RBFOX1: variants seen among roughly 807,000 people sequenced by gnomAD.
RBFOX1 encodes the protein RNA binding fox-1 homolog 1.
Under a neutral mutation model 57.7 loss-of-function variants are expected in RBFOX1, and 8 were observed. The observed-to-expected ratio is 0.14, with a 90% CI of 0.08 to 0.25. The LOEUF is 0.25. Ranked by LOEUF, RBFOX1 falls within the 10% of genes least tolerant of loss-of-function variation. RBFOX1 has a pLI of 1.00. For missense variants in RBFOX1, 611 were observed against 548.5 expected (o/e 1.11, Z -1.14); for synonymous variants, 326 against 222.4 (o/e 1.47, Z -4.15).
At chr16:5,240,679 A>G (rs1340394243) in intron 1 of RBFOX1, among the ~76,000 whole-genome samples, 1 of 152,076 alleles carries the variant, frequency 6.6e-6, no homozygotes, top group African/African-American at 2.4e-5. Flanking sequence ...TCCTCTTTCC[A>G]TCCCTACAGA....
chr16:6,763,518 A>C (rs1055372918), intron 3 of RBFOX1, among the ~76,000 whole-genome samples: 3 of 152,186 alleles, frequency 2.0e-5, no homozygotes, highest in African/African-American at 4.8e-5. Context: ...AACCTGGTTG[A>C]CTTGGGTTAT....
At chr16:7,664,849 C>G (rs2068763742) in intron 12 of RBFOX1, 80 bp from the exon 13 acceptor site, 1 of 1,612,108 alleles carries the variant, frequency 6.2e-7, no homozygotes, top group African/African-American at 1.3e-5. Flanking sequence ...CCAGACTAAC[C>G]TCGCCAGTGC....
At chr16:5,376,747 G>A (rs59686012) in intron 1 of RBFOX1, among the ~76,000 whole-genome samples, 25,836 of 148,242 alleles carry the variant, frequency 0.17, 2,808 homozygotes, top group African/African-American at 0.27. Context: ...CAGCACCCAT[G>A]ACTGTCTGCT....
chr16:5,874,995 A>C (rs1309372357), intron 4 of RBFOX1, among the ~76,000 whole-genome samples: 8 of 152,098 alleles, frequency 5.3e-5, no homozygotes, highest in Admixed American at 5.2e-4. Context: ...GCAGAACTAG[A>C]GGTTAGAGGG....
intron 5 of RBFOX1, among the ~76,000 whole-genome samples, chr16:7,566,680 A>G (rs1453531256): frequency 6.6e-6 from 1 of 152,118 alleles, no homozygotes; most frequent in African/African-American, 2.4e-5. Context: ...ATCCCAGACC[A>G]TTTAGCCAGT....
chr16:5,886,820 G>A (rs973739994), intron 4 of RBFOX1, among the ~76,000 whole-genome samples: 2 of 152,224 alleles, frequency 1.3e-5, no homozygotes, highest in African/African-American at 2.4e-5. Context: ...CCTGGGAGGT[G>A]GAGGTTGCAG....
intron 3 of RBFOX1, among the ~76,000 whole-genome samples, chr16:6,782,814 G>C (rs2081256016): frequency 6.6e-6 from 1 of 152,142 alleles, no homozygotes; most frequent in Non-Finnish European, 1.5e-5. Flanking sequence ...GTCCAATGCT[G>C]AAAGTGGTAT....
intron 1 of RBFOX1, among the ~76,000 whole-genome samples, chr16:6,074,466 C>T (rs965864747): frequency 6.6e-6 from 1 of 152,182 alleles, no homozygotes; most frequent in Admixed American, 6.5e-5. Context: ...TTGGTTCTAC[C>T]ACATGCATTA....
chr16:5,270,526 A>G (rs1468923378), intron 1 of RBFOX1: 2 of 628,136 alleles, frequency 3.2e-6, no homozygotes, highest in East Asian at 3.0e-5. Flanking sequence ...AAAAATGTTC[A>G]ACAATGATTG....
At chr16:5,542,445 G>A (rs1371264797) in intron 2 of RBFOX1, among the ~76,000 whole-genome samples, 2 of 150,210 alleles carry the variant, frequency 1.3e-5, no homozygotes, top group Admixed American at 1.3e-4. Context: ...TTTTAGTAGA[G>A]ATGGGGTTTC....
chr16:6,880,239 C>G (rs1470864253), intron 3 of RBFOX1, among the ~76,000 whole-genome samples: 2 of 152,120 alleles, frequency 1.3e-5, no homozygotes, highest in Admixed American at 6.5e-5. Context: ...AGCAACATGA[C>G]AAGAAGGGAA....
intron 4 of RBFOX1, among the ~76,000 whole-genome samples, chr16:7,245,433 T>C (rs964218067): frequency 7.1e-6 from 1 of 141,058 alleles, no homozygotes; most frequent in African/African-American, 2.9e-5. Context: ...CACCTAGTAT[T>C]AGTTGAATGT....
intron 3 of RBFOX1, among the ~76,000 whole-genome samples, chr16:6,954,478 C>T (rs1051638646): frequency 1.3e-5 from 2 of 152,030 alleles, no homozygotes; most frequent in Non-Finnish European, 2.9e-5. Context: ...CAGTTTAAAA[C>T]GTAATTTTGT....
intron 2 of RBFOX1, among the ~76,000 whole-genome samples, chr16:6,328,620 A>G (rs2152803191): frequency 6.6e-6 from 1 of 152,310 alleles, no homozygotes; most frequent in Admixed American, 6.5e-5. Context: ...TTGGCCCTCT[A>G]TTCACTATGT....
At chr16:6,283,782 A>G (rs936702721) in intron 1 of RBFOX1, among the ~76,000 whole-genome samples, 10 of 152,154 alleles carry the variant, frequency 6.6e-5, no homozygotes, top group African/African-American at 1.2e-4. Context: ...TAGAAATTGT[A>G]TATCTGGGAA....
At chr16:7,568,380 G>C (rs935568343) in intron 5 of RBFOX1, among the ~76,000 whole-genome samples, 2 of 152,126 alleles carry the variant, frequency 1.3e-5, no homozygotes, top group African/African-American at 2.4e-5. Flanking sequence ...CATTGCCATG[G>C]CATTTGGAAA....
chr16:6,517,000 A>G (rs1159371607), intron 2 of RBFOX1, among the ~76,000 whole-genome samples: 1 of 152,200 alleles, frequency 6.6e-6, no homozygotes, highest in Non-Finnish European at 1.5e-5. Flanking sequence ...AGCTGTGAGC[A>G]TAAATTCCTA....
chr16:7,652,756 A>T (rs2065356633), intron 11 of RBFOX1, among the ~76,000 whole-genome samples: 1 of 152,174 alleles, frequency 6.6e-6, no homozygotes, highest in Admixed American at 6.5e-5. Flanking sequence ...GCGTATTTGT[A>T]ATCATGCTGG....
chr16:7,202,706 G>A (rs2088897859), intron 4 of RBFOX1, among the ~76,000 whole-genome samples: 1 of 152,158 alleles, frequency 6.6e-6, no homozygotes, highest in African/African-American at 2.4e-5. Flanking sequence ...TGTGAACTCT[G>A]CATGTGAGGG....
Sources: allele counts gnomAD v4.1 joint callset (sites outside exome capture counted in the v4.1 genomes callset), GRCh38; gene constraint gnomAD v4.1.1; transcripts MANE v1.5; gene names NCBI Gene and HGNC (gene_info 2026-07-23, HGNC 2026-07-21).